Variants in CSMD1 observed in about 807,000 individuals in gnomAD.
The protein encoded by CSMD1 is CUB and sushi domain-containing protein 1.
A neutral mutation model predicts 417.5 loss-of-function variants in CSMD1; 213 were observed. That is an observed-to-expected ratio of 0.51 (90% CI 0.46 to 0.57). The LOEUF (loss-of-function observed/expected upper bound fraction) is 0.57. Among genes scored for constraint, CSMD1 ranks in the 20% least tolerant of loss-of-function variants. The pLI is 0.00. For missense variants in CSMD1, 6,923 were observed against 4,529.7 expected (o/e 1.53, Z -15.17); for synonymous variants, 2,862 against 1,736.8 (o/e 1.65, Z -16.11).
chr8:4,372,042 A>G (rs1391593967), intron 3 of CSMD1, among the ~76,000 whole-genome samples: 1 of 151,608 alleles, frequency 6.6e-6, no homozygotes, highest in East Asian at 1.9e-4. Flanking sequence ...GGTCATGGCA[A>G]GGTCTGGGGT....
intron 2 of CSMD1, among the ~76,000 whole-genome samples, chr8:4,620,614 G>GA (rs1293952273): frequency 6.6e-6 from 1 of 151,816 alleles, no homozygotes; most frequent in Non-Finnish European, 1.5e-5. Context: ...AAGACTGCTT[G>GA]AAAAGCCCAA....
intron 4 of CSMD1, among the ~76,000 whole-genome samples, chr8:4,007,531 G>C (rs901412094): frequency 6.6e-6 from 1 of 152,020 alleles, no homozygotes; most frequent in Admixed American, 6.6e-5. Context: ...CACTCACCTA[G>C]ATTGCTTCCC....
At chr8:4,161,521 C>T (rs1329650406) in intron 3 of CSMD1, among the ~76,000 whole-genome samples, 1 of 152,184 alleles carries the variant, frequency 6.6e-6, no homozygotes, top group East Asian at 1.9e-4. Context: ...CCAAGCTGAA[C>T]ACGCAAAGTC....
At chr8:3,328,486 A>G (rs1806682718) in intron 23 of CSMD1, among the ~76,000 whole-genome samples, 1 of 152,210 alleles carries the variant, frequency 6.6e-6, no homozygotes, top group Non-Finnish European at 1.5e-5. Context: ...TACACCCTCC[A>G]AATACTTCAA....
chr8:4,314,701 T>C (rs1025314900), intron 3 of CSMD1, among the ~76,000 whole-genome samples: 5 of 152,242 alleles, frequency 3.3e-5, no homozygotes, highest in Admixed American at 1.3e-4. Flanking sequence ...CAAGTTTTTA[T>C]GTGTTCTTAC....
chr8:3,090,574 C>A (rs961898495), intron 48 of CSMD1, among the ~76,000 whole-genome samples: 1 of 152,108 alleles, frequency 6.6e-6, no homozygotes, highest in Non-Finnish European at 1.5e-5. Context: ...CTTACAACTG[C>A]TGTTTTAACA....
chr8:4,450,768 A>G (rs76182032), intron 2 of CSMD1, among the ~76,000 whole-genome samples: 23,928 of 152,270 alleles, frequency 0.16, 2,087 homozygotes, highest in South Asian at 0.27. Context: ...TCACAAATTG[A>G]AAGCAAGTAT....
At chr8:3,273,934 C>G (rs1802073157) in intron 26 of CSMD1, among the ~76,000 whole-genome samples, 1 of 151,866 alleles carries the variant, frequency 6.6e-6, no homozygotes, top group Non-Finnish European at 1.5e-5. Flanking sequence ...TCCTTCAGTT[C>G]TACTCTGATT....
rs531195245 is a variant in CSMD1, at chr8:4,139,611, C to T, written c.416-107512G>A. Among the ~76,000 whole-genome samples the T allele has an allele frequency of 1.4e-3, 216 of 151,178 alleles. 21 individuals carry two copies. The highest frequency in any genetic ancestry group is 5.1e-3 in the African/African-American group (206 of 40,524). On this transcript the variant is annotated intron_variant, in intron 3 of 69. Transcript: ENST00000635120. ...GAGTGGGCATCAAGGGGACAAGGAGCAGAGGAAGGGCATTTGGAATAGTGG... is the reference window on the plus strand; with the variant it reads ...GAGTGGGCATCAAGGGGACAAGGAGTAGAGGAAGGGCATTTGGAATAGTGG...
At chr8:3,182,273 G>C (rs184066891) in intron 36 of CSMD1, among the ~76,000 whole-genome samples, 2 of 152,244 alleles carry the variant, frequency 1.3e-5, no homozygotes, top group African/African-American at 2.4e-5. Context: ...TTTAGATGGA[G>C]TCTCGCTCTG....
At chr8:3,452,652 T>A (rs1253615578) in intron 12 of CSMD1, among the ~76,000 whole-genome samples, 3 of 152,200 alleles carry the variant, frequency 2.0e-5, no homozygotes, top group Non-Finnish European at 4.4e-5. Flanking sequence ...CAGCCTTGCA[T>A]CCCAGGGATG....
chr8:2,961,540 C>T (rs1158278824), intron 61 of CSMD1, among the ~76,000 whole-genome samples: 1 of 151,984 alleles, frequency 6.6e-6, no homozygotes, highest in Non-Finnish European at 1.5e-5. Flanking sequence ...TGACCTATCA[C>T]TATCTTTTTG....
chr8:3,665,410 T>C (rs1286980297), intron 7 of CSMD1, among the ~76,000 whole-genome samples: 1 of 152,028 alleles, frequency 6.6e-6, no homozygotes, highest in East Asian at 1.9e-4. Flanking sequence ...GCACCAGTAA[T>C]ACCAGCTACT....
intron 2 of CSMD1, among the ~76,000 whole-genome samples, chr8:4,432,078 G>A (rs1410994336): frequency 6.6e-6 from 1 of 152,060 alleles, no homozygotes; most frequent in East Asian, 1.9e-4. Flanking sequence ...GACAGGATTA[G>A]AATACAGAAA....
chr8:3,644,981 A>AT (rs1356047858), intron 7 of CSMD1, among the ~76,000 whole-genome samples: 3 of 151,088 alleles, frequency 2.0e-5, no homozygotes, highest in South Asian at 2.1e-4. Context: ...AAAAAAAAAA[A>AT]AAAAAAAAAA....
At chr8:4,232,544 T>C (rs558257038) in intron 3 of CSMD1, among the ~76,000 whole-genome samples, 1 of 152,192 alleles carries the variant, frequency 6.6e-6, no homozygotes, top group Non-Finnish European at 1.5e-5. Context: ...AATAATTGAC[T>C]TGGCTTTTCT....
chr8:4,982,508 G>A (rs1810951275), intron 1 of CSMD1, among the ~76,000 whole-genome samples: 2 of 152,192 alleles, frequency 1.3e-5, no homozygotes, highest in South Asian at 2.1e-4. Context: ...TTAAAAAGTG[G>A]CTCAAATCTC....
intron 5 of CSMD1, among the ~76,000 whole-genome samples, chr8:3,846,875 A>C (rs955390003): frequency 1.3e-5 from 2 of 152,034 alleles, no homozygotes; most frequent in Non-Finnish European, 2.9e-5. Flanking sequence ...GGGTTTCATC[A>C]TGTTGGCCAA....
rs534324958 is a variant in CSMD1, at chr8:4,051,944, T to C, written c.416-19845A>G. Among the ~76,000 whole-genome samples the C allele has an allele frequency of 7.9e-5, 12 of 151,722 alleles. No individual in the cohort carries two copies. The South Asian group carries it at 2.5e-3, about 32-fold the overall frequency. Reference sequence around the variant, plus strand: ...TCTTTTTCTTTCTTTCTTTCTTTCTTGACAGAGTTTCACTCTTGTTGCCCA... The same window carrying C: ...TCTTTTTCTTTCTTTCTTTCTTTCTCGACAGAGTTTCACTCTTGTTGCCCA... On this transcript the variant is annotated intron_variant, in intron 3 of 69. Coordinates refer to ENST00000635120, the MANE Select transcript of CSMD1 (RefSeq NM_033225.6).
Sources: gnomAD v4.1 joint callset for allele counts (sites outside exome capture counted in the v4.1 genomes callset) on GRCh38, gnomAD v4.1.1 for gene constraint, MANE v1.5 for transcripts, NCBI Gene and HGNC (gene_info 2026-07-23, HGNC 2026-07-21) for gene names.